Variants in MAML3 observed in about 807,000 individuals in gnomAD.
The protein encoded by MAML3 is mastermind-like protein 3.
Under a neutral mutation model 101.9 loss-of-function variants are expected in MAML3, and 27 were observed. The observed-to-expected ratio is 0.27, with a 90% CI of 0.20 to 0.37. The LOEUF (loss-of-function observed/expected upper bound fraction) is 0.37. MAML3 is among the 10% of genes least tolerant of loss of function. The pLI, the probability that MAML3 is intolerant of heterozygous loss-of-function variation, is 1.00. For missense variants in MAML3, 1,316 were observed against 1,444.9 expected (o/e 0.91, Z 1.45); for synonymous variants, 501 against 555.9 (o/e 0.90, Z 1.39).
chr4:139,948,966 C>T (rs533733857), intron 1 of MAML3, among the ~76,000 whole-genome samples: 10 of 152,238 alleles, frequency 6.6e-5, no homozygotes, highest in East Asian at 3.9e-4. Context: ...GCAGCCTCTA[C>T]GCCTTATTGA....
chr4:139,762,911 G>C (rs555225791), intron 2 of MAML3, among the ~76,000 whole-genome samples: 5 of 152,124 alleles, frequency 3.3e-5, no homozygotes, highest in African/African-American at 9.7e-5. Context: ...GAGGGGGTGC[G>C]TGTGCATATT....
chr4:140,093,246 A>G (rs527791126), intron 1 of MAML3, among the ~76,000 whole-genome samples: 2 of 152,232 alleles, frequency 1.3e-5, no homozygotes, highest in South Asian at 4.1e-4. Flanking sequence ...TGGTAACACA[A>G]TTTCATTTTT....
intron 1 of MAML3, among the ~76,000 whole-genome samples, chr4:140,065,394 G>C (rs1356482698): frequency 2.0e-5 from 3 of 151,946 alleles, no homozygotes; most frequent in African/African-American, 7.3e-5. Context: ...ATATCAGCTG[G>C]CTCTACTGAT....
chr4:139,754,573 T>G (rs999892908), intron 2 of MAML3, among the ~76,000 whole-genome samples: 2 of 152,260 alleles, frequency 1.3e-5, no homozygotes, highest in African/African-American at 2.4e-5. Context: ...TAAACTTTTA[T>G]GTATATCTCT....
chr4:139,813,203 C>T (rs1316382812), intron 2 of MAML3, among the ~76,000 whole-genome samples: 1 of 151,688 alleles, frequency 6.6e-6, no homozygotes, highest in Non-Finnish European at 1.5e-5. Context: ...CCAAAAGGTA[C>T]AAGATCCAAA....
intron 1 of MAML3, among the ~76,000 whole-genome samples, chr4:140,047,681 C>T (rs936870905): frequency 6.6e-6 from 1 of 151,854 alleles, no homozygotes; most frequent in Non-Finnish European, 1.5e-5. Flanking sequence ...CTTCTTTGCC[C>T]GCTCTTGGAG....
At chr4:139,774,346 T>TA (rs1730054245) in intron 2 of MAML3, among the ~76,000 whole-genome samples, 1 of 152,272 alleles carries the variant, frequency 6.6e-6, no homozygotes, top group African/African-American at 2.4e-5. Flanking sequence ...GGATGACTTA[T>TA]GTCTATTTTG....
chr4:139,943,311 C>T (rs1488765174), intron 1 of MAML3, among the ~76,000 whole-genome samples: 6 of 152,104 alleles, frequency 3.9e-5, no homozygotes, highest in Admixed American at 1.3e-4. Context: ...CAAAGAGGGC[C>T]CACAGTTGTT....
At chr4:139,789,501 CGT>C (rs1560794783) in intron 2 of MAML3, among the ~76,000 whole-genome samples, 2 of 152,034 alleles carry the variant, frequency 1.3e-5, no homozygotes, top group African/African-American at 4.8e-5. Context: ...AGGTTGAGTC[CGT>C]GTGTAGGAGC....
At chr4:139,857,204 T>G (rs2111161465) in intron 2 of MAML3, among the ~76,000 whole-genome samples, 1 of 152,274 alleles carries the variant, frequency 6.6e-6, no homozygotes, top group South Asian at 2.1e-4. Context: ...TTAAGAAAGA[T>G]AAACAGTAAG....
At chr4:139,959,424 T>C (rs1381406506) in intron 1 of MAML3, among the ~76,000 whole-genome samples, 1 of 152,168 alleles carries the variant, frequency 6.6e-6, no homozygotes, top group African/African-American at 2.4e-5. Flanking sequence ...TTAAAATGCC[T>C]TGGAAATGTT....
chr4:140,134,876 G>A (rs1728859021), intron 1 of MAML3, among the ~76,000 whole-genome samples: 1 of 152,198 alleles, frequency 6.6e-6, no homozygotes, highest in African/African-American at 2.4e-5. Context: ...AATGGCACGG[G>A]CTACAGCCCC....
At chr4:139,801,242 A>T (rs1033192420) in intron 2 of MAML3, among the ~76,000 whole-genome samples, 2 of 152,250 alleles carry the variant, frequency 1.3e-5, no homozygotes, top group Non-Finnish European at 2.9e-5. Context: ...TAAAATATAG[A>T]ACACCCAGTT....
intron 2 of MAML3, among the ~76,000 whole-genome samples, chr4:139,863,632 C>T (rs1393454119): frequency 6.6e-6 from 1 of 152,024 alleles, no homozygotes; most frequent in Non-Finnish European, 1.5e-5. Flanking sequence ...CCACCGTGCC[C>T]AGCTGCCTTT....
At chr4:139,774,837 A>G (rs1417607766) in intron 2 of MAML3, among the ~76,000 whole-genome samples, 1 of 152,216 alleles carries the variant, frequency 6.6e-6, no homozygotes, top group East Asian at 1.9e-4. Context: ...TCCACACTGC[A>G]AAGTTGGTGG....
At chr4:140,093,593 A>ATT (rs752398205) in intron 1 of MAML3, among the ~76,000 whole-genome samples, 2 of 149,024 alleles carry the variant, frequency 1.3e-5, no homozygotes, top group Non-Finnish European at 3.0e-5. Context: ...ATTTTTTTTA[A>ATT]TTTTTTTTTT....
chr4:139,920,416 C>G (rs923057051), intron 1 of MAML3, among the ~76,000 whole-genome samples: 1 of 152,192 alleles, frequency 6.6e-6, no homozygotes, highest in African/African-American at 2.4e-5. Flanking sequence ...GCAGGTGTGT[C>G]TGTGCACTGG....
intron 1 of MAML3, among the ~76,000 whole-genome samples, chr4:140,042,798 T>A (rs1345507509): frequency 6.6e-6 from 1 of 152,128 alleles, no homozygotes; most frequent in Admixed American, 6.5e-5. Flanking sequence ...CCCATGTTGC[T>A]TACTGTTAGA....
intron 1 of MAML3, among the ~76,000 whole-genome samples, chr4:140,000,715 G>A (rs1011760598): frequency 5.3e-5 from 8 of 152,120 alleles, no homozygotes; most frequent in African/African-American, 1.9e-4. Flanking sequence ...ACCCTCAATT[G>A]AAAAAGAACA....
Sources: gnomAD v4.1 joint callset for allele counts (sites outside exome capture counted in the v4.1 genomes callset) on GRCh38, gnomAD v4.1.1 for gene constraint, MANE v1.5 for transcripts, NCBI Gene and HGNC (gene_info 2026-07-23, HGNC 2026-07-21) for gene names.